TOP1MT: variants seen among roughly 807,000 people sequenced by gnomAD.
TOP1MT encodes the protein DNA topoisomerase I mitochondrial.
A neutral mutation model predicts 73.9 loss-of-function variants in TOP1MT; 80 were observed. That is an observed-to-expected ratio of 1.08 (90% CI 0.90 to 1.30). The LOEUF (loss-of-function observed/expected upper bound fraction) is 1.30. TOP1MT is among the 50% of genes most tolerant of loss of function. TOP1MT has a pLI of 0.00. For missense variants in TOP1MT, 815 were observed against 808.0 expected (o/e 1.01, Z -0.10); for synonymous variants, 338 against 326.4 (o/e 1.04, Z -0.38).
At chr8:143,358,829 C>T (rs1260968326), upstream of TOP1MT, among the ~76,000 whole-genome samples, 1 of 152,130 alleles carries the variant, frequency 6.6e-6, no homozygotes, top group African/African-American at 2.4e-5. Context: ...CAACCGGCCA[C>T]GAGCCTCTGT....
intron 13 of TOP1MT, 176 bp downstream of exon 13, chr8:143,309,892 G>A (rs1194671112): frequency 1.3e-6 from 2 of 1,564,708 alleles, no homozygotes; most frequent in South Asian, 1.2e-5. Flanking sequence ...GAACGTTCAG[G>A]GCAGGGAGAG....
chr8:143,343,734 A>G (rs1817172306), intron 1 of TOP1MT: 2 of 159,118 alleles, frequency 1.3e-5, no homozygotes, highest in Non-Finnish European at 2.8e-5. Context: ...CATTGAACAG[A>G]GAGAGGAACA....
intron 12 of TOP1MT, among the ~76,000 whole-genome samples, chr8:143,312,412 A>G (rs1319239437): frequency 6.6e-6 from 1 of 152,242 alleles, no homozygotes; most frequent in Non-Finnish European, 1.5e-5. Context: ...GGATGGTTTC[A>G]TATCTGATCA....
intron 7 of TOP1MT, among the ~76,000 whole-genome samples, chr8:143,321,736 C>T (rs117850501): frequency 0.15 from 11,441 of 76,110 alleles, 1,490 homozygotes; most frequent in East Asian, 0.45. Context: ...CACACAGGTA[C>T]GCCACACACG....
rs190216252 is a variant in TOP1MT, at chr8:143,329,079, A to G, written c.360+271T>C. 2.4e-4 allele frequency among the ~76,000 whole-genome samples: 36 copies of G among 152,156 alleles called. No individual in the cohort carries two copies. In the East Asian group the frequency reaches 7.0e-3, roughly 29 times the overall value. Reference sequence around the variant, plus strand: ...GTAAGGACCACAAATCGGCCTCCACATCCACAGCCTGCCTGGGAAGGGAAA... The same window carrying G: ...GTAAGGACCACAAATCGGCCTCCACGTCCACAGCCTGCCTGGGAAGGGAAA... On this transcript the variant is annotated intron_variant, in intron 3 of 13. Coordinates refer to ENST00000329245, the MANE Select transcript of TOP1MT (RefSeq NM_052963.3).
chr8:143,353,055 G>T (rs988011916), intron 1 of TOP1MT, among the ~76,000 whole-genome samples: 2 of 152,266 alleles, frequency 1.3e-5, no homozygotes, highest in Admixed American at 1.3e-4. Flanking sequence ...ACAGATAGGG[G>T]TCTAGTATCT....
chr8:143,358,070 G>A (rs554712769), upstream of TOP1MT, among the ~76,000 whole-genome samples: 90 of 152,248 alleles, frequency 5.9e-4, no homozygotes, highest in Non-Finnish European at 1.1e-3. Context: ...GGGTGACACA[G>A]CAAGACTCTG....
chr8:143,347,451 A>G (rs966485712), upstream of TOP1MT, among the ~76,000 whole-genome samples: 1 of 152,002 alleles, frequency 6.6e-6, no homozygotes, highest in Non-Finnish European at 1.5e-5. Flanking sequence ...CACCGCACCC[A>G]GCTAATTTTT....
In TOP1MT at chr8:143,321,352, C is replaced by T; in HGVS notation, c.995G>A (p.Gly332Asp). 1 of 1,596,788 alleles carries T rather than the reference C, an allele frequency of 6.3e-7. No homozygotes were observed. The highest frequency in any genetic ancestry group is 8.6e-7 in the Non-Finnish European group (1 of 1,167,176). Residue 332 changes from glycine to aspartate, a missense_variant, in exon 8 of 14, where the codon GGT (glycine) becomes GAT (aspartate). Physicochemically the swap from Gly to Asp is moderately conservative, Grantham distance 94. This residue lies in a region of TOP1MT where 751 missense variants were observed against 725.4 expected (regional missense o/e 1.04). Transcript: ENST00000329245. Reference protein sequence around the residue: ...ALRAGNEKEDGEAADTVGCCS... With the variant: ...ALRAGNEKEDDEAADTVGCCS... ...GCAGCCCACGGTGTCGGCCGCCTCA[C>T]CGTCCTCCTTCTCATTTCCTGCTCT...
At chr8:143,329,231 A>G in intron 3 of TOP1MT, 119 bp downstream of exon 3, 1 of 1,120,320 alleles carries the variant, frequency 8.9e-7, no homozygotes, top group Non-Finnish European at 1.2e-6. Context: ...GGCACCTGTG[A>G]GTGGTCACAC....
At chr8:143,325,592 T>A in intron 4 of TOP1MT, 59 bp from the exon 5 acceptor site, 1 of 1,524,032 alleles carries the variant, frequency 6.6e-7, no homozygotes, top group Non-Finnish European at 9.0e-7. Context: ...CAGGCCTCAG[T>A]CCGTTGTTGC....
At chr8:143,347,406 T>G (rs1041290564), upstream of TOP1MT, among the ~76,000 whole-genome samples, 2 of 152,042 alleles carry the variant, frequency 1.3e-5, no homozygotes, top group Non-Finnish European at 2.9e-5. Flanking sequence ...CCGCCCGCCT[T>G]GGCCTCCCAG....
At chr8:143,359,039 C>T (rs1817460453), upstream of TOP1MT, among the ~76,000 whole-genome samples, 1 of 150,942 alleles carries the variant, frequency 6.6e-6, no homozygotes, top group South Asian at 2.1e-4. Context: ...GACAGGGTCT[C>T]ACTATGTTGC....
chr8:143,342,817 C>T (rs1269041469), intron 2 of TOP1MT, among the ~76,000 whole-genome samples: 4 of 79,716 alleles, frequency 5.0e-5, no homozygotes, highest in Non-Finnish European at 6.3e-5. Context: ...CAGAGTCTCG[C>T]TCTGTCACCC....
upstream of TOP1MT, among the ~76,000 whole-genome samples, chr8:143,337,198 G>A (rs1032860390): frequency 5.3e-5 from 8 of 152,130 alleles, no homozygotes; most frequent in South Asian, 2.1e-4. Flanking sequence ...AGGCCGAGAC[G>A]GGCGGATCAC....
upstream of TOP1MT, among the ~76,000 whole-genome samples, chr8:143,358,306 C>A (rs115116926): frequency 1.9e-4 from 29 of 152,220 alleles, no homozygotes; most frequent in African/African-American, 6.7e-4. Flanking sequence ...ACACCAGTGC[C>A]AAAATGATGT....
chr8:143,345,819 T>C (rs1817210807), upstream of TOP1MT, among the ~76,000 whole-genome samples: 1 of 152,252 alleles, frequency 6.6e-6, no homozygotes, highest in South Asian at 2.1e-4. Context: ...AAGCATTTAC[T>C]ATTGCATTGC....
intron 7 of TOP1MT, among the ~76,000 whole-genome samples, chr8:143,322,989 C>CAT (rs1563760617): frequency 6.4e-5 from 8 of 125,852 alleles, no homozygotes; most frequent in South Asian, 2.6e-4. Flanking sequence ...ACGCCACACA[C>CAT]GCACGCCACA....
upstream of TOP1MT, chr8:143,359,487 G>A (rs1406063255): frequency 1.1e-5 from 10 of 949,864 alleles, no homozygotes; most frequent in Admixed American, 4.9e-4. Context: ...GGCACCGCTG[G>A]CCAGGTGCAG....
Sources: gnomAD v4.1 joint callset for allele counts (sites outside exome capture counted in the v4.1 genomes callset) on GRCh38, gnomAD v4.1.1 for gene constraint, gnomAD v4.1.1 regional missense constraint, MANE v1.5 for transcripts, NCBI Gene and HGNC (gene_info 2026-07-23, HGNC 2026-07-21) for gene names.